PALLD: variants seen among roughly 807,000 people sequenced by gnomAD.
PALLD encodes palladin, cytoskeletal associated protein.
PALLD carries 61 observed loss-of-function variants against 123.5 expected under a neutral mutation model. The observed-to-expected ratio is 0.49, with a 90% CI of 0.40 to 0.61. The LOEUF is 0.61. Among genes scored for constraint, PALLD ranks in the 20% least tolerant of loss-of-function variants. The probability of loss-of-function intolerance (pLI) is 0.00; values close to 1 mark genes in which losing one functional copy is unlikely to be tolerated. For missense variants in PALLD, 1,273 were observed against 1,377.0 expected (o/e 0.92, Z 1.20); for synonymous variants, 465 against 496.4 (o/e 0.94, Z 0.84).
At position 168,512,609 on chromosome 4, in the gene PALLD, C is replaced by T. The variant is rs181966319; in HGVS notation, c.908+197C>T. ...GGCCTGATATATCTGTGGTCATGCA[C>T]CCTCTGTGCTAAGGAAGGAAGGCAA... On this transcript the variant is annotated intron_variant, in intron 2 of 21. Transcript: ENST00000505667. 2.6e-5 allele frequency among the ~76,000 whole-genome samples: 4 copies of T among 152,174 alleles called. No individual in the cohort carries two copies. In the East Asian group the frequency reaches 5.8e-4, roughly 22 times the overall value.
At chr4:168,596,363 G>GT (rs1771975291) in intron 2 of PALLD, among the ~76,000 whole-genome samples, 2 of 152,132 alleles carry the variant, frequency 1.3e-5, no homozygotes, top group Non-Finnish European at 2.9e-5. Flanking sequence ...TAATGAAGCA[G>GT]CATTTAAAGT....
rs745390330 is a variant in PALLD at position 168,512,201 on chromosome 4, G to A, written c.697G>A (p.Glu233Lys). The change falls in exon 2 of 22, where the codon GAG becomes AAG. Residue 233 changes from glutamate (E) to lysine (K), a missense_variant. Transcript: ENST00000505667. ...PMEDQGEMER[E>K]VKSPGARHCY... ...GGAAGACCAAGGGGAGATGGAAAGAGAGGTCAAGTCCCCTGGGGCCAGGCA... is the reference window on the plus strand; with the variant it reads ...GGAAGACCAAGGGGAGATGGAAAGAAAGGTCAAGTCCCCTGGGGCCAGGCA... 1.2e-6 allele frequency: 2 copies of A among 1,613,600 alleles called. No homozygotes were observed. The highest frequency in any genetic ancestry group is 2.7e-5 in the African/African-American group (2 of 74,852).
rs896267900 is a variant in PALLD at position 168,869,480 on chromosome 4, G to A, written c.1965-21442G>A. Among the ~76,000 whole-genome samples, 40 of 152,122 alleles carry A rather than the reference G, an allele frequency of 2.6e-4. No homozygotes were observed. Among genetic ancestry groups the A allele is most frequent in the African/African-American group, 9.4e-4 (39 of 41,424 alleles). On this transcript the variant is annotated intron_variant, in intron 10 of 21. Transcript: ENST00000505667. The surrounding 1 kb of genome is among the most constrained non-coding windows in gnomAD (Gnocchi z 4.5). ...CACAGAAGGATGAAGACAGTGGATG[G>A]AGAGAAGTTGGTGGGGGTGGCCCTC...
chr4:168,816,874 A>G (rs1742045352), intron 10 of PALLD, among the ~76,000 whole-genome samples: 1 of 90,298 alleles, frequency 1.1e-5, no homozygotes, highest in Non-Finnish European at 2.3e-5. Context: ...GTGTGTGTGT[A>G]GAAAAGGGGG....
chr4:168,714,912 C>T (rs1028430411), intron 10 of PALLD, among the ~76,000 whole-genome samples: 1 of 151,054 alleles, frequency 6.6e-6, no homozygotes, highest in East Asian at 1.9e-4. Context: ...ATACTGATTG[C>T]GGGAAAAGAA....
At chr4:168,666,063 C>T (rs1194337631) in intron 2 of PALLD, among the ~76,000 whole-genome samples, 1 of 151,706 alleles carries the variant, frequency 6.6e-6, no homozygotes, top group African/African-American at 2.4e-5. Context: ...TTTTCAAACC[C>T]TTAAAAGTAT....
At chr4:168,534,742 T>C (rs775681653) in intron 2 of PALLD, among the ~76,000 whole-genome samples, 21 of 152,200 alleles carry the variant, frequency 1.4e-4, no homozygotes, top group Non-Finnish European at 2.4e-4. Flanking sequence ...ACATTGTATC[T>C]TTGTCATGAC....
intron 10 of PALLD, among the ~76,000 whole-genome samples, chr4:168,769,276 G>A (rs1235538098): frequency 6.6e-6 from 1 of 152,186 alleles, no homozygotes; most frequent in Non-Finnish European, 1.5e-5. Context: ...GCACATGCCT[G>A]CCCTGGAGCT....
chr4:168,825,063 A>G (rs1403151460), intron 10 of PALLD, among the ~76,000 whole-genome samples: 2 of 150,970 alleles, frequency 1.3e-5, no homozygotes, highest in Admixed American at 6.6e-5. Flanking sequence ...TGATCCTCCC[A>G]CCTTGGCCTC....
At chr4:168,849,086 G>A (rs1237862721) in intron 10 of PALLD, among the ~76,000 whole-genome samples, 2 of 152,164 alleles carry the variant, frequency 1.3e-5, no homozygotes, top group African/African-American at 4.8e-5. Flanking sequence ...CACTCCCATC[G>A]GAACATAAAT....
chr4:168,561,798 G>T (rs2149578280), intron 2 of PALLD, among the ~76,000 whole-genome samples: 1 of 152,238 alleles, frequency 6.6e-6, no homozygotes, highest in Middle Eastern at 3.4e-3. Flanking sequence ...TTCGGGGGAA[G>T]TAGTTCATCT....
chr4:168,752,895 G>A (rs1731252882), intron 10 of PALLD, among the ~76,000 whole-genome samples: 1 of 151,972 alleles, frequency 6.6e-6, no homozygotes, highest in Non-Finnish European at 1.5e-5. Flanking sequence ...AAATAACTTT[G>A]AGGAGAAATT....
intron 2 of PALLD, among the ~76,000 whole-genome samples, chr4:168,639,644 C>CA (rs1189940324): frequency 2.0e-5 from 3 of 151,620 alleles, no homozygotes; most frequent in African/African-American, 7.3e-5. Context: ...CCCAGGTTCA[C>CA]ACCATTCTCC....
chr4:168,757,395 T>C (rs2150414049), intron 10 of PALLD, among the ~76,000 whole-genome samples: 1 of 152,348 alleles, frequency 6.6e-6, no homozygotes, highest in South Asian at 2.1e-4. Flanking sequence ...CTAAATATGA[T>C]GGTGTCATTA....
At chr4:168,583,664 T>A (rs544166339) in intron 2 of PALLD, among the ~76,000 whole-genome samples, 1 of 152,358 alleles carries the variant, frequency 6.6e-6, no homozygotes, top group African/African-American at 2.4e-5. Flanking sequence ...TTGAAAAGAA[T>A]ATTTATTTTC....
chr4:168,537,770 C>T (rs1195429784), intron 2 of PALLD: 1 of 152,172 alleles, frequency 6.6e-6, no homozygotes, highest in African/African-American at 2.4e-5. Flanking sequence ...TGCTTCAAGT[C>T]CTGGCTCAAA....
At chr4:168,626,224 C>T (rs1444357643) in intron 2 of PALLD, among the ~76,000 whole-genome samples, 1 of 151,506 alleles carries the variant, frequency 6.6e-6, no homozygotes, top group Non-Finnish European at 1.5e-5. Context: ...CACAGTGAAA[C>T]CTCGTCTCTA....
chr4:168,511,522 C>T lies in PALLD; in HGVS notation c.18C>T (p.Ser6=), dbSNP rs61051061. 0.2 allele frequency: 322,367 copies of T among 1,612,184 alleles called. 32,765 individuals carry two copies. Among genetic ancestry groups the T allele is most frequent in the African/African-American group, 0.23 (16,902 of 74,926 alleles). ...GTTCAAATATGTCAGGGACCTCCTC[C>T]CATGAGTCCTTCTATGACTCCCTCT... MSGTS[S]HESFYDSLSD... The change falls in exon 2 of 22, where the codon TCC becomes TCT. Residue 6 remains serine (S), a synonymous_variant. Transcript: ENST00000505667.
intron 10 of PALLD, among the ~76,000 whole-genome samples, chr4:168,722,728 T>C (rs1035892349): frequency 2.6e-5 from 4 of 152,140 alleles, no homozygotes; most frequent in Non-Finnish European, 5.9e-5. Flanking sequence ...ATTTCAGCAA[T>C]AATGAGCACT....
Sources: gnomAD v4.1 joint callset for allele counts (sites outside exome capture counted in the v4.1 genomes callset) on GRCh38, gnomAD v4.1.1 for gene constraint, Gnocchi (gnomAD v3.1) non-coding constraint, MANE v1.5 for transcripts, NCBI Gene and HGNC (gene_info 2026-07-23, HGNC 2026-07-21) for gene names.